SNX29: variants seen among roughly 807,000 people sequenced by gnomAD.
SNX29 encodes the protein sorting nexin-29.
A neutral mutation model predicts 102.1 loss-of-function variants in SNX29; 78 were observed. That is an observed-to-expected ratio of 0.76 (90% CI 0.64 to 0.92). The LOEUF is 0.92. Ranked by LOEUF, SNX29 falls within the 40% of genes least tolerant of loss-of-function variation. The probability of loss-of-function intolerance (pLI) is 0.00; values close to 1 mark genes in which losing one functional copy is unlikely to be tolerated. For synonymous variants in SNX29, 580 were observed against 414.5 expected, an observed-to-expected ratio of 1.40 and a Z score of -4.85; for missense variants, 1,280 against 1,061.7, an observed-to-expected ratio of 1.21 and a Z score of -2.86.
chr16:12,316,743 C>T (rs1235819310), intron 15 of SNX29, among the ~76,000 whole-genome samples: 1 of 152,152 alleles, frequency 6.6e-6, no homozygotes, highest in East Asian at 1.9e-4. Flanking sequence ...CCTTCCTGCC[C>T]CTGGCTTCTC....
intron 14 of SNX29, among the ~76,000 whole-genome samples, chr16:12,227,429 A>G (rs1307472149): frequency 6.6e-6 from 1 of 152,190 alleles, no homozygotes; most frequent in East Asian, 1.9e-4. Context: ...ACTGCCTGGA[A>G]TTCTTCAGAG....
chr16:12,528,871 G>A (rs2076857178), intron 20 of SNX29, among the ~76,000 whole-genome samples: 1 of 152,228 alleles, frequency 6.6e-6, no homozygotes, highest in Non-Finnish European at 1.5e-5. Flanking sequence ...GAACTGAGAA[G>A]GTGGGCAGGA....
chr16:12,374,404 A>C (rs1450670459), intron 16 of SNX29: 1 of 152,194 alleles, frequency 6.6e-6, no homozygotes, highest in Non-Finnish European at 1.5e-5. Context: ...TTGATCAGTC[A>C]CTTCCACAGA....
chr16:12,166,124 C>T (rs2056010927), intron 13 of SNX29, among the ~76,000 whole-genome samples: 1 of 152,168 alleles, frequency 6.6e-6, no homozygotes, highest in African/African-American at 2.4e-5. Flanking sequence ...TAGCAGCAGT[C>T]TTGGTTAAAA....
At chr16:12,137,253 TTTC>T (rs1476131587) in intron 13 of SNX29, among the ~76,000 whole-genome samples, 1 of 152,212 alleles carries the variant, frequency 6.6e-6, no homozygotes, top group Non-Finnish European at 1.5e-5. Context: ...TGTCACCTAA[TTTC>T]TTCTTCTTGG....
intron 18 of SNX29, among the ~76,000 whole-genome samples, chr16:12,462,378 G>A (rs1471521437): frequency 3.3e-5 from 5 of 152,140 alleles, no homozygotes; most frequent in Non-Finnish European, 1.5e-5. Flanking sequence ...AGGGAGGATT[G>A]GAGGTGTGTT....
chr16:12,366,869 C>G (rs1022359781), intron 16 of SNX29: 2 of 150,770 alleles, frequency 1.3e-5, no homozygotes, highest in African/African-American at 2.4e-5. Flanking sequence ...TTTCCTCTGT[C>G]TGTCTCTTCC....
chr16:12,166,972 A>G (rs542644685), intron 13 of SNX29, among the ~76,000 whole-genome samples: 11 of 152,346 alleles, frequency 7.2e-5, no homozygotes, highest in African/African-American at 2.6e-4. Flanking sequence ...CCTTACGTGG[A>G]TCAGCCAGTG....
intron 19 of SNX29, among the ~76,000 whole-genome samples, chr16:12,485,973 T>C (rs993652980): frequency 1.3e-5 from 2 of 152,220 alleles, no homozygotes; most frequent in African/African-American, 4.8e-5. Context: ...CAGTTTCCTG[T>C]GGCTTACAAC....
chr16:12,461,663 A>G (rs2086779636), intron 18 of SNX29, among the ~76,000 whole-genome samples: 1 of 151,796 alleles, frequency 6.6e-6, no homozygotes, highest in Admixed American at 6.6e-5. Flanking sequence ...TATGATAGAA[A>G]ATATTCAGGC....
intron 20 of SNX29, among the ~76,000 whole-genome samples, chr16:12,529,520 C>T (rs961051579): frequency 1.5e-4 from 23 of 152,162 alleles, no homozygotes; most frequent in African/African-American, 5.1e-4. Context: ...AAATGGTTTT[C>T]TGCAGAGTAA....
rs77602108 is a variant in SNX29, at chr16:12,523,339, C to G, written c.2179-1363C>G. On this transcript the variant is annotated intron_variant, in intron 19 of 20. Transcript: ENST00000566228. ...CGCGCCGTCGTCATAGAACATTCCT[C>G]CTCGTGTTCTGTGAGGTTGGAATGA... Among the ~76,000 whole-genome samples the G allele has an allele frequency of 3.0e-4, 46 of 152,340 alleles. No individual in the cohort carries two copies. The East Asian group carries it at 8.9e-3, about 29-fold the overall frequency.
At chr16:12,547,846 C>G (rs564810734) in intron 20 of SNX29, among the ~76,000 whole-genome samples, 18 of 152,294 alleles carry the variant, frequency 1.2e-4, no homozygotes, top group African/African-American at 3.6e-4. Flanking sequence ...AGATTCCAAA[C>G]TGGAGTTTAG....
chr16:12,049,685 T>C (rs2050227195), intron 7 of SNX29, among the ~76,000 whole-genome samples: 1 of 152,064 alleles, frequency 6.6e-6, no homozygotes, highest in Non-Finnish European at 1.5e-5. Context: ...GAAAGTTGAT[T>C]CAGTTAAGAT....
chr16:12,069,653 A>G (rs1379081921), intron 10 of SNX29, among the ~76,000 whole-genome samples: 2 of 152,128 alleles, frequency 1.3e-5, no homozygotes, highest in Admixed American at 1.3e-4. Context: ...ACGAATGTCA[A>G]CACCTTTTGG....
chr16:12,157,483 C>G (rs1052761778), intron 13 of SNX29, among the ~76,000 whole-genome samples: 8 of 152,160 alleles, frequency 5.3e-5, no homozygotes, highest in African/African-American at 1.9e-4. Context: ...GCAGCCGTTT[C>G]CTGGGTGTCC....
At chr16:12,306,510 G>A (rs780966862) in intron 15 of SNX29, among the ~76,000 whole-genome samples, 22 of 152,138 alleles carry the variant, frequency 1.4e-4, no homozygotes, top group African/African-American at 3.9e-4. Flanking sequence ...GAGAATTAGC[G>A]TATTACAGAG....
At position 12,456,506 on chromosome 16, in the gene SNX29, C is replaced by CGTGT. The variant is rs3072479; in HGVS notation, c.2038-21192_2038-21189dup. 5.5e-3 allele frequency among the ~76,000 whole-genome samples: 823 copies of CGTGT among 148,938 alleles called. 6 individuals are homozygous for CGTGT. Among genetic ancestry groups the CGTGT allele is most frequent in the South Asian group, 0.013 (59 of 4,658 alleles). On this transcript the variant is annotated intron_variant, in intron 18 of 20. Transcript: ENST00000566228. Reference sequence around the variant, plus strand: ...GTGTATACTGGGTGGCATGTGTGCACGTGTGTGTGTGTGTGTGTGTGTGTA... The same window carrying CGTGT: ...GTGTATACTGGGTGGCATGTGTGCACGTGTGTGTGTGTGTGTGTGTGTGTGTGTA...
At chr16:12,079,846 A>G (rs1311793057) in intron 11 of SNX29, among the ~76,000 whole-genome samples, 1 of 152,230 alleles carries the variant, frequency 6.6e-6, no homozygotes. Flanking sequence ...TCCAGGCGGC[A>G]GGAAGGAGGA....
Sources: allele counts gnomAD v4.1 joint callset (sites outside exome capture counted in the v4.1 genomes callset), GRCh38; gene constraint gnomAD v4.1.1; transcripts MANE v1.5; gene names NCBI Gene and HGNC (gene_info 2026-07-23, HGNC 2026-07-21).